The following C1QTNF8 variants were observed in gnomAD, a reference collection of about 807,000 sequenced individuals.
C1QTNF8 encodes the protein complement C1q tumor necrosis factor-related protein 8.
In C1QTNF8, 27 loss-of-function variants were observed where a neutral mutation model predicts 19.2. That is an observed-to-expected ratio of 1.41 (90% CI 1.04 to 1.94). C1QTNF8 has a LOEUF of 1.94. Ranked by LOEUF, C1QTNF8 falls within the 30% of genes most tolerant of loss-of-function variation. The pLI is 0.00. For synonymous variants in C1QTNF8, 208 were observed against 172.8 expected (o/e 1.20, Z -1.60); for missense variants, 484 against 374.4 (o/e 1.29, Z -2.42).
At position 1,093,611 on chromosome 16, in the gene C1QTNF8, C is replaced by G; in HGVS notation, c.649G>C (p.Val217Leu). Residue 217 changes from valine to leucine, a missense_variant, in exon 4 of 5, where the codon GTC becomes CTC. Physicochemically the swap from Val to Leu is conservative, Grantham distance 32. Transcript: ENST00000328449. Reference sequence around the variant, plus strand: ...TCGCGCTGGAACATGCGCACCCAGACGGCGTCGCCCGCCGCCAGCAGCAGC... The same window carrying G: ...TCGCGCTGGAACATGCGCACCCAGAGGGCGTCGCCCGCCGCCAGCAGCAGC... ...LMLLLAAGDA[V>L]WVRMFQRDRD... is the part of the protein sequence containing the mutation. The G allele has an allele frequency of 6.2e-7, 1 of 1,604,272 alleles. No homozygotes were observed. The highest frequency in any genetic ancestry group is 2.3e-5 in the East Asian group (1 of 44,338).
chr16:1,094,663 G>A (rs1960645633), intron 3 of C1QTNF8, 52 bp downstream of exon 3: 1 of 1,497,942 alleles, frequency 6.7e-7, no homozygotes, highest in African/African-American at 1.4e-5. Context: ...CACTCCCTGT[G>A]GGCTGTTGGG....
chr16:1,093,617 C>T lies in C1QTNF8; in HGVS notation c.643G>A (p.Asp215Asn), dbSNP rs370122688. ...QSLMLLLAAG[D>N]AVWVRMFQRD... Reference sequence around the variant, plus strand: ...TGGAACATGCGCACCCAGACGGCGTCGCCCGCCGCCAGCAGCAGCATCAGG... The same window carrying T: ...TGGAACATGCGCACCCAGACGGCGTTGCCCGCCGCCAGCAGCAGCATCAGG... Residue 215 changes from aspartate to asparagine, a missense_variant, in exon 4 of 5, where the codon GAC (aspartate) becomes AAC (asparagine). Coordinates refer to ENST00000328449, the MANE Select transcript of C1QTNF8 (RefSeq NM_207419.3). 9 of 1,605,654 alleles carry T rather than the reference C, an allele frequency of 5.6e-6. No homozygotes were observed. Among genetic ancestry groups the T allele is most frequent in the Non-Finnish European group, 7.7e-6 (9 of 1,176,364 alleles).
At chr16:1,091,444 T>C (rs569097631) in intron 4 of C1QTNF8, among the ~76,000 whole-genome samples, 1 of 151,866 alleles carries the variant, frequency 6.6e-6, no homozygotes, top group Admixed American at 6.6e-5. Flanking sequence ...CCAGGTCAGG[T>C]GGAGGTGGTT....
chr16:1,093,696 G>T lies in C1QTNF8; in HGVS notation c.564C>A (p.Pro188=), dbSNP rs779789670. Residue 188 remains proline, a synonymous_variant, in exon 4 of 5, where the codon CCC becomes CCA. Transcript: ENST00000328449. The stretch of plus-strand genomic sequence containing the variant: ...TGGGCTGCGCGTAGAGCACGGCCGC[G>T]GGCCGCCGGTTCAGCATGATGTGCA... ...TYLHIMLNRR[P]AAVLYAQPSE... is the part of the protein sequence containing the mutation. The T allele has an allele frequency of 1.9e-6, 3 of 1,611,892 alleles. No homozygotes were observed. The highest frequency in any genetic ancestry group is 2.7e-5 in the African/African-American group (2 of 74,894).
Position 1,093,785 on chromosome 16 carries a change from T to C in C1QTNF8, c.475A>G (p.Thr159Ala). The change falls in exon 4 of 5, where the codon ACG becomes GCG. Residue 159 changes from threonine (T) to alanine (A), a missense_variant. Physicochemically the swap from Thr to Ala is moderately conservative, Grantham distance 58. Coordinates refer to ENST00000328449, the MANE Select transcript of C1QTNF8 (RefSeq NM_207419.3). Reference sequence around the variant, plus strand: ...CTGAGGAAGTAGACGCCGGGCACCGTGCAGAGGAAGCGGCCCGCGGCCAGG... The same window carrying C: ...CTGAGGAAGTAGACGCCGGGCACCGCGCAGAGGAAGCGGCCCGCGGCCAGG... ...FDLAAGRFLC[T>A]VPGVYFLSLN... The C allele has an allele frequency of 6.2e-7, 1 of 1,611,954 alleles. No homozygotes were observed. The highest frequency in any genetic ancestry group is 8.5e-7 in the Non-Finnish European group (1 of 1,179,640).
rs924724752 is a variant in C1QTNF8 at position 1,093,510 on chromosome 16, G to A, written c.750C>T (p.Ala250=). ...GGGGCCCCTCACCCGGCTACAGCTC[G>A]GCGGCCGGCTTGACCAGGTGGCCGC... ...TFSGHLVKPA[A]EL is the part of the protein sequence containing the mutation. Residue 250 remains alanine, a synonymous_variant, in exon 4 of 5, where the codon GCC becomes GCT. Transcript: ENST00000328449. 7 of 1,530,998 alleles carry A rather than the reference G, an allele frequency of 4.6e-6. No homozygotes were observed. Among genetic ancestry groups the A allele is most frequent in the African/African-American group, 1.4e-5 (1 of 72,206 alleles). 94.8% of individuals were successfully genotyped at this position (1,530,998 alleles called of 1,614,324 possible).
intron 3 of C1QTNF8, among the ~76,000 whole-genome samples, chr16:1,094,352 C>G (rs1960640081): frequency 6.6e-6 from 1 of 152,172 alleles, no homozygotes; most frequent in South Asian, 2.1e-4. Flanking sequence ...TGGGAAGGTC[C>G]TACCCAAGCC....
At position 1,089,598 on chromosome 16, in the gene C1QTNF8, GC is replaced by G. The variant is rs1346888886; in HGVS notation, c.*1000del. On this transcript the variant is annotated 3_prime_UTR_variant, in exon 5 of 5. Transcript: ENST00000328449. ...GTGGGCGGGACGTGGCTGCAGCCTGGCTCTGCCTGCGTGGCACTGGGTGTCC... is the reference window on the plus strand; with the variant it reads ...GTGGGCGGGACGTGGCTGCAGCCTGGTCTGCCTGCGTGGCACTGGGTGTCC... Among the ~76,000 whole-genome samples the G allele has an allele frequency of 3.3e-5, 5 of 152,212 alleles. No individual in the cohort carries two copies. Among genetic ancestry groups the G allele is most frequent in the Non-Finnish European group, 5.9e-5 (4 of 68,030 alleles).
chr16:1,094,585 G>C, intron 3 of C1QTNF8, 130 bp downstream of exon 3: 1 of 662,060 alleles, frequency 1.5e-6, no homozygotes, highest in Non-Finnish European at 2.4e-6. Flanking sequence ...TGCAGGGAGC[G>C]CTGCCAGGGC....
chr16:1,093,236 C>A (rs1752863099), intron 4 of C1QTNF8, among the ~76,000 whole-genome samples: 4 of 149,552 alleles, frequency 2.7e-5, no homozygotes, highest in African/African-American at 1.0e-4. Flanking sequence ...TCACAGCACA[C>A]AGTCGGCGCT....
rs564065515 is a variant in C1QTNF8 at position 1,092,423 on chromosome 16, A to G, written c.*4+1074T>C. Reference sequence around the variant, plus strand: ...GTCGGCGCTCAATCAATCACTGCACACAGTCGGCACTCAACCAATCACAGC... The same window carrying G: ...GTCGGCGCTCAATCAATCACTGCACGCAGTCGGCACTCAACCAATCACAGC... On this transcript the variant is annotated intron_variant, in intron 4 of 4. Coordinates refer to ENST00000328449, the MANE Select transcript of C1QTNF8 (RefSeq NM_207419.3). Among the ~76,000 whole-genome samples, 132 of 150,224 alleles carry G rather than the reference A, an allele frequency of 8.8e-4. 1 individual carries two copies. Among genetic ancestry groups the G allele is most frequent in the Admixed American group, 1.4e-3 (22 of 15,182 alleles).
In C1QTNF8 at chr16:1,094,892, G is replaced by A. The variant is rs199555950; in HGVS notation, c.31C>T (p.Leu11=). Residue 11 remains leucine, a synonymous_variant, in exon 3 of 5, where the codon CTG becomes TTG. Transcript: ENST00000328449. ...GGCCAGGCCCCCACGGGCAGCAGCAGTGCTAGGAGCAGCAGGGCGGGGGCT... is the reference window on the plus strand; with the variant it reads ...GGCCAGGCCCCCACGGGCAGCAGCAATGCTAGGAGCAGCAGGGCGGGGGCT... MAAPALLLLA[L]LLPVGAWPGL... is the part of the protein sequence containing the mutation. 4,711 of 1,376,652 alleles carry A rather than the reference G, an allele frequency of 3.4e-3. 17 individuals are homozygous for A. The highest frequency in any genetic ancestry group is 4.2e-3 in the Non-Finnish European group (4,418 of 1,060,000). The allele number at this position is 1,376,652 out of a possible 1,614,324, so 85.3% of individuals were successfully genotyped here. A position where few individuals can be genotyped will look rare whatever the true frequency, so the allele number is the denominator to read the frequency against.
At chr16:1,092,653 G>A (rs1457817695) in intron 4 of C1QTNF8, among the ~76,000 whole-genome samples, 2 of 117,220 alleles carry the variant, frequency 1.7e-5, no homozygotes, top group Admixed American at 1.7e-4. Flanking sequence ...GCACACAGTC[G>A]GCGCTCAACC....
intron 3 of C1QTNF8, 174 bp downstream of exon 3, chr16:1,094,541 C>T (rs779614097): frequency 3.6e-5 from 18 of 504,344 alleles, no homozygotes; most frequent in Non-Finnish European, 4.8e-5. Flanking sequence ...AGCCAGGCTT[C>T]TTCCTGCTTG....
chr16:1,094,000 T>C lies in C1QTNF8; in HGVS notation c.260A>G (p.Glu87Gly). The C allele has an allele frequency of 6.7e-7, 1 of 1,481,496 alleles. No individual in the cohort carries two copies. The highest frequency in any genetic ancestry group is 8.8e-7 in the Non-Finnish European group (1 of 1,132,632). The allele number at this position is 1,481,496 out of a possible 1,614,324, so 91.8% of individuals were successfully genotyped here. The change falls in exon 4 of 5, where the codon GAG becomes GGG. Residue 87 changes from glutamate to glycine, a missense_variant. Physicochemically the swap from Glu to Gly is moderately conservative, Grantham distance 98 (BLOSUM62 -2). Transcript: ENST00000328449. ...VRGRAGRSGK[E>G]GPPGARGLQG... is the part of the protein sequence containing the mutation. The stretch of plus-strand genomic sequence containing the variant: ...CAGGCCCCGGGCGCCTGGCGGCCCC[T>C]CTTTCCCGCTCCTGCCGGCCCGACC...
Position 1,093,661 on chromosome 16 carries a change from C to T in C1QTNF8, c.599G>A (p.Ser200Asn). ...AVLYAQPSER[S>N]VMQAQSLMLL... ...CATCAGGCTCTGGGCCTGCATGACG[C>T]TGCGCTCGCTGGGCTGCGCGTAGAG... The change falls in exon 4 of 5, where the codon AGC (serine) becomes AAC (asparagine). Residue 200 changes from serine to asparagine, a missense_variant. Transcript: ENST00000328449. The T allele has an allele frequency of 6.2e-7, 1 of 1,611,700 alleles. No individual in the cohort carries two copies. The highest frequency in any genetic ancestry group is 8.5e-7 in the Non-Finnish European group (1 of 1,179,458).
intron 3 of C1QTNF8, 70 bp downstream of exon 3, chr16:1,094,645 G>C: frequency 7.4e-7 from 1 of 1,349,148 alleles, no homozygotes; most frequent in Non-Finnish European, 1.0e-6. Context: ...CAAGCCCCAG[G>C]TGCTCCCCAC....
intron 3 of C1QTNF8, 77 bp downstream of exon 3, chr16:1,094,638 G>A: frequency 4.0e-6 from 5 of 1,265,202 alleles, no homozygotes; most frequent in Middle Eastern, 2.1e-4. Context: ...CTCCTCCCAA[G>A]CCCCAGGTGC....
At position 1,093,920 on chromosome 16, in the gene C1QTNF8, G is replaced by C. The variant is rs750003262; in HGVS notation, c.340C>G (p.Arg114Gly). The C allele has an allele frequency of 3.3e-6, 5 of 1,521,276 alleles. No individual in the cohort carries two copies. Among genetic ancestry groups the C allele is most frequent in the Non-Finnish European group, 4.4e-6 (5 of 1,146,038 alleles). 94.2% of individuals were successfully genotyped at this position (1,521,276 alleles called of 1,614,324 possible). A position where few individuals can be genotyped will look rare whatever the true frequency, so the allele number is the denominator to read the frequency against. Residue 114 changes from arginine (R) to glycine (G), a missense_variant, in exon 4 of 5, where the codon CGT (arginine) becomes GGT (glycine). Transcript: ENST00000328449. ...QVGPPGAACR[R>G]AYAAFSVGRR... ...CCCACGGAGAAGGCGGCGTAGGCAC[G>C]TCGGCACGCGGCGCCCGGCGGCCCC... is the stretch of plus-strand genomic sequence containing the variant.
Sources: gnomAD v4.1 joint callset for allele counts (sites outside exome capture counted in the v4.1 genomes callset) on GRCh38, gnomAD v4.1.1 for gene constraint, MANE v1.5 for transcripts, NCBI Gene and HGNC (gene_info 2026-07-23, HGNC 2026-07-21) for gene names.